Variants in SZRD1 observed in about 807,000 individuals in gnomAD.
SZRD1 encodes SUZ RNA binding domain containing 1.
SZRD1 carries 7 observed loss-of-function variants against 17.6 expected under a neutral mutation model. The ratio of observed to expected loss-of-function variants is 0.40; its 90% CI spans 0.23 to 0.75. The LOEUF (loss-of-function observed/expected upper bound fraction) is 0.75, where lower values mean the gene tolerates loss of function less well. SZRD1 is among the 30% of genes least tolerant of loss of function. The pLI is 0.38. For missense variants in SZRD1, 178 were observed against 201.8 expected, an observed-to-expected ratio of 0.88 and a Z score of 0.71; for synonymous variants, 77 against 77.9, an observed-to-expected ratio of 0.99 and a Z score of 0.06.
intron 1 of SZRD1, chr1:16,369,330 C>G: frequency 1.3e-6 from 1 of 743,924 alleles, no homozygotes; most frequent in Non-Finnish European, 2.4e-6. Flanking sequence ...TGATCTTGCT[C>G]TTACTCCTTT....
At chr1:16,382,158 G>A (rs1340724726) in intron 1 of SZRD1, among the ~76,000 whole-genome samples, 1 of 151,974 alleles carries the variant, frequency 6.6e-6, no homozygotes, top group Non-Finnish European at 1.5e-5. Context: ...AGCACCAGGA[G>A]AGGGTGCTGA....
chr1:16,389,808 G>A (rs759771056), intron 1 of SZRD1, among the ~76,000 whole-genome samples: 4 of 152,226 alleles, frequency 2.6e-5, no homozygotes, highest in Non-Finnish European at 5.9e-5. Flanking sequence ...TGAGCCATGG[G>A]GCAGATCTCA....
intron 1 of SZRD1, among the ~76,000 whole-genome samples, chr1:16,380,324 A>T (rs2083078168): frequency 6.7e-6 from 1 of 149,156 alleles, no homozygotes; most frequent in Admixed American, 6.7e-5. Flanking sequence ...TTTATTTTTG[A>T]GCTGGAGTCT....
intron 1 of SZRD1, among the ~76,000 whole-genome samples, chr1:16,383,768 C>T (rs1041052124): frequency 2.0e-5 from 3 of 151,290 alleles, no homozygotes; most frequent in Non-Finnish European, 2.9e-5. Flanking sequence ...TACAGGCATG[C>T]GCCACCACGC....
chr1:16,383,469 T>C (rs967027938), intron 1 of SZRD1, among the ~76,000 whole-genome samples: 39 of 151,872 alleles, frequency 2.6e-4, no homozygotes, highest in African/African-American at 9.4e-4. Context: ...ATTCTCCTCT[T>C]TCAGCCTCCC....
At position 16,393,502 on chromosome 1, in the gene SZRD1, C is replaced by T; in HGVS notation, c.356+20C>T. 1 of 1,590,800 alleles carries T rather than the reference C, an allele frequency of 6.3e-7. No homozygotes were observed. Among genetic ancestry groups the T allele is most frequent in the Non-Finnish European group, 8.5e-7 (1 of 1,170,508 alleles). On this transcript the variant is annotated intron_variant, in intron 3 of 3. Coordinates refer to ENST00000401088, the MANE Select transcript of SZRD1 (RefSeq NM_001114600.3). This position sits in a 1 kb window ranked among gnomAD's most constrained non-coding sequence, Gnocchi z 5.6. The stretch of plus-strand genomic sequence containing the variant: ...CGACAGGTGAGTGTGGCTGGCAGGG[C>T]CGGCCAGTGATGGCTGTCCCAGTCC...
chr1:16,369,366 G>T, intron 1 of SZRD1: 2 of 929,200 alleles, frequency 2.2e-6, no homozygotes, highest in Non-Finnish European at 3.5e-6. Context: ...CTCCACCAAG[G>T]TTCTCAGCTT....
At chr1:16,383,861 G>A (rs1011113859) in intron 1 of SZRD1, among the ~76,000 whole-genome samples, 27 of 152,172 alleles carry the variant, frequency 1.8e-4, no homozygotes, top group Admixed American at 3.3e-4. Flanking sequence ...CTCGTGATCC[G>A]CCCGCCTGGG....
At chr1:16,373,898 C>G (rs1220407790) in intron 1 of SZRD1, among the ~76,000 whole-genome samples, 1 of 152,148 alleles carries the variant, frequency 6.6e-6, no homozygotes, top group African/African-American at 2.4e-5. Context: ...CCACCACACC[C>G]GGCCCATAGT....
At chr1:16,384,827 C>G (rs997218328) in intron 1 of SZRD1, among the ~76,000 whole-genome samples, 1 of 152,152 alleles carries the variant, frequency 6.6e-6, no homozygotes, top group African/African-American at 2.4e-5. Flanking sequence ...CTGTTGTGCT[C>G]TCCAGGTTCC....
chr1:16,383,622 C>CT (rs2083142201), intron 1 of SZRD1, among the ~76,000 whole-genome samples: 1 of 135,712 alleles, frequency 7.4e-6, no homozygotes, highest in Non-Finnish European at 1.6e-5. Context: ...TTCTTTTTTT[C>CT]CTTTTTTTTT....
chr1:16,395,270 C>T lies in SZRD1; in HGVS notation c.*130C>T. On this transcript the variant is annotated 3_prime_UTR_variant, in exon 4 of 4. Coordinates refer to ENST00000401088, the MANE Select transcript of SZRD1 (RefSeq NM_001114600.3). ...CGACCTGACTTACTTGCACTGTGAT[C>T]CCCCTTGCTCCGCCCACTGTGACCT... is the stretch of plus-strand genomic sequence containing the variant. The T allele has an allele frequency of 1.4e-6, 1 of 721,562 alleles. No homozygotes were observed. The highest frequency in any genetic ancestry group is 2.6e-6 in the Non-Finnish European group (1 of 391,448). 44.7% of individuals were successfully genotyped at this position (721,562 alleles called of 1,614,324 possible).
At chr1:16,392,251 T>C (rs2085230727) in intron 2 of SZRD1, among the ~76,000 whole-genome samples, 2 of 152,156 alleles carry the variant, frequency 1.3e-5, no homozygotes, top group Admixed American at 1.3e-4. Context: ...CCTGGCTCAG[T>C]TCCTCCAATC....
In SZRD1 at chr1:16,396,452, C is replaced by G. The variant is rs1570061176; in HGVS notation, c.*1312C>G. ...TCACCCCTTTTTCCAGAGCGAGGGC[C>G]TGGAATGAAGGCAGTTTATCCTCTG... is the stretch of plus-strand genomic sequence containing the variant. On this transcript the variant is annotated 3_prime_UTR_variant, in exon 4 of 4. Transcript: ENST00000401088. The G allele has an allele frequency of 1.3e-5, 2 of 152,352 alleles. No individual in the cohort carries two copies. Among genetic ancestry groups the G allele is most frequent in the South Asian group, 4.1e-4 (2 of 4,828 alleles). The allele number at this position is 152,352 out of a possible 1,614,324, so 9.4% of individuals were successfully genotyped here. A position where few individuals can be genotyped will look rare whatever the true frequency, so the allele number is the denominator to read the frequency against.
chr1:16,388,898 T>C (rs1002922385), intron 1 of SZRD1, among the ~76,000 whole-genome samples: 1 of 151,876 alleles, frequency 6.6e-6, no homozygotes. Flanking sequence ...TCCGCCTGCC[T>C]CAGCCTCCCA....
chr1:16,374,355 G>C (rs924758402), intron 1 of SZRD1, among the ~76,000 whole-genome samples: 12 of 152,144 alleles, frequency 7.9e-5, no homozygotes, highest in Non-Finnish European at 8.8e-5. Flanking sequence ...TCTGGAAAAA[G>C]GTTGGTTTCA....
At chr1:16,384,162 CT>C (rs2083151140) in intron 1 of SZRD1, among the ~76,000 whole-genome samples, 1 of 152,050 alleles carries the variant, frequency 6.6e-6, no homozygotes, top group Non-Finnish European at 1.5e-5. Flanking sequence ...TGCTATGCTA[CT>C]GATGGAAACA....
chr1:16,372,128 C>T (rs2082924563), intron 1 of SZRD1, among the ~76,000 whole-genome samples: 1 of 148,108 alleles, frequency 6.8e-6, no homozygotes, highest in Admixed American at 6.7e-5. Context: ...TTTTCTTTTT[C>T]TTTTTTTTTT....
At position 16,396,788 on chromosome 1, in the gene SZRD1, C is replaced by T. The variant is rs1278783156; in HGVS notation, c.*1648C>T. 6.6e-6 allele frequency: 1 copy of T among 152,366 alleles called. No homozygotes were observed. Among genetic ancestry groups the T allele is most frequent in the Non-Finnish European group, 1.5e-5 (1 of 68,148 alleles). 9.4% of individuals were successfully genotyped at this position (152,366 alleles called of 1,614,324 possible). A position where few individuals can be genotyped will look rare whatever the true frequency, so the allele number is the denominator to read the frequency against. On this transcript the variant is annotated 3_prime_UTR_variant, in exon 4 of 4. Transcript: ENST00000401088. ...CCAGGCCCAGTAAGCCATGCCCCAACACGTCCTCTCCTCCGGAGGAAGGGC... is the reference window on the plus strand; with the variant it reads ...CCAGGCCCAGTAAGCCATGCCCCAATACGTCCTCTCCTCCGGAGGAAGGGC...
Sources: gnomAD v4.1 joint callset for allele counts (sites outside exome capture counted in the v4.1 genomes callset) on GRCh38, gnomAD v4.1.1 for gene constraint, Gnocchi (gnomAD v3.1) non-coding constraint, MANE v1.5 for transcripts, NCBI Gene and HGNC (gene_info 2026-07-23, HGNC 2026-07-21) for gene names.